MDGA2: variants seen among roughly 807,000 people sequenced by gnomAD.
MDGA2 encodes the protein MAM domain containing glycosylphosphatidylinositol anchor 2.
A neutral mutation model predicts 117.8 loss-of-function variants in MDGA2; 40 were observed. That is an observed-to-expected ratio of 0.34 (90% confidence interval 0.26 to 0.44). The LOEUF (loss-of-function observed/expected upper bound fraction) is 0.44. Ranked by LOEUF, MDGA2 falls within the 20% of genes least tolerant of loss-of-function variation. MDGA2 has a pLI of 1.00. For missense variants in MDGA2, 1,123 were observed against 1,250.6 expected, an observed-to-expected ratio of 0.90 and a Z score of 1.54; for synonymous variants, 452 against 439.0, an observed-to-expected ratio of 1.03 and a Z score of -0.37.
At chr14:47,522,340 T>A (rs1485980190) in intron 1 of MDGA2, among the ~76,000 whole-genome samples, 1 of 113,200 alleles carries the variant, frequency 8.8e-6, no homozygotes, top group Non-Finnish European at 1.9e-5. Context: ...TATGTGTGTA[T>A]ATATGTATAT....
chr14:47,514,837 T>A (rs969965151), intron 1 of MDGA2, among the ~76,000 whole-genome samples: 2 of 152,130 alleles, frequency 1.3e-5, no homozygotes, highest in Non-Finnish European at 1.5e-5. Flanking sequence ...GGGGGTCACA[T>A]CATGACAATG....
At chr14:47,653,325 A>G (rs2138274358) in intron 1 of MDGA2, among the ~76,000 whole-genome samples, 1 of 152,244 alleles carries the variant, frequency 6.6e-6, no homozygotes, top group Middle Eastern at 3.4e-3. Flanking sequence ...TATGGCTGAG[A>G]TTGCTCTTGA....
intron 8 of MDGA2, chr14:46,996,992 C>T (rs1887318712): frequency 5.3e-6 from 2 of 374,178 alleles, no homozygotes; most frequent in Non-Finnish European, 1.0e-5. Context: ...AATAGCTTTA[C>T]AGTGGCCAAA....
intron 1 of MDGA2, among the ~76,000 whole-genome samples, chr14:47,395,169 C>CA (rs1311344455): frequency 6.6e-6 from 1 of 151,336 alleles, no homozygotes; most frequent in East Asian, 1.9e-4. Context: ...AAAACAGAAA[C>CA]AAAAAAACTA....
intron 8 of MDGA2, among the ~76,000 whole-genome samples, chr14:47,029,006 G>C (rs1272551354): frequency 6.6e-6 from 1 of 151,806 alleles, no homozygotes; most frequent in Non-Finnish European, 1.5e-5. Flanking sequence ...GAACAATTTT[G>C]CTTTTAGAAA....
intron 1 of MDGA2, among the ~76,000 whole-genome samples, chr14:47,607,530 G>C (rs960109391): frequency 1.3e-5 from 2 of 152,018 alleles, no homozygotes; most frequent in East Asian, 1.9e-4. Context: ...CTGGGAAATG[G>C]TTCAAATTGT....
chr14:47,439,580 T>C (rs7146722), intron 1 of MDGA2, among the ~76,000 whole-genome samples: 38,892 of 152,010 alleles, frequency 0.26, 5,260 homozygotes, highest in Middle Eastern at 0.42. Context: ...CACATCTATA[T>C]TTCATAGCTG....
At chr14:47,370,720 C>T (rs961887104) in intron 1 of MDGA2, among the ~76,000 whole-genome samples, 5 of 151,112 alleles carry the variant, frequency 3.3e-5, no homozygotes, top group African/African-American at 1.2e-4. Flanking sequence ...CTGTCAGTAT[C>T]CTCTCTGTAA....
chr14:47,451,956 G>A (rs766586860), intron 1 of MDGA2, among the ~76,000 whole-genome samples: 1 of 152,108 alleles, frequency 6.6e-6, no homozygotes, highest in Non-Finnish European at 1.5e-5. Flanking sequence ...ATTGGAGATA[G>A]ATAACTTCTT....
chr14:47,301,495 C>T lies in MDGA2; in HGVS notation c.336G>A (p.Glu112=), dbSNP rs560636271. The change falls in exon 2 of 17, where the codon GAG becomes GAA. Residue 112 remains glutamate (E), a synonymous_variant. Coordinates refer to ENST00000399232, the MANE Select transcript of MDGA2 (RefSeq NM_001113498.3). ...TAGTGTAGACCCTTTCGGAGTAGCG[C>T]TCCTCTTCAATGTTACAGGCCAAGC... The part of the protein sequence containing the change: ...HSGLACNIEE[E]RYSERVYTIR... The T allele has an allele frequency of 7.1e-6, 11 of 1,551,674 alleles. 1 individual carries two copies. In the Middle Eastern group the frequency reaches 5.0e-4, roughly 71 times the overall value.
intron 2 of MDGA2, among the ~76,000 whole-genome samples, chr14:47,277,771 T>C (rs1888352524): frequency 6.6e-6 from 1 of 152,178 alleles, no homozygotes. Flanking sequence ...GAAGGCTAAA[T>C]TGTTCATGCA....
Position 47,310,408 on chromosome 14 carries a change from C to T in MDGA2, c.281-8858G>A, listed in dbSNP as rs1409642197. ...TACCTGGCTGTTCCCGCCCTAAGTC[C>T]CTCACTATGTTCTTCCCAGTAGATT... On this transcript the variant is annotated intron_variant, in intron 1 of 16. Transcript: ENST00000399232. Among the ~76,000 whole-genome samples the T allele has an allele frequency of 3.3e-5, 5 of 152,044 alleles. No individual in the cohort carries two copies. In the South Asian group the frequency reaches 6.2e-4, roughly 19 times the overall value.
chr14:47,158,914 C>A (rs1283454609), intron 3 of MDGA2, among the ~76,000 whole-genome samples: 1 of 152,136 alleles, frequency 6.6e-6, no homozygotes, highest in African/African-American at 2.4e-5. Context: ...ATCTTAAATG[C>A]ATATGAGTAG....
chr14:47,395,125 AT>A (rs1293783728), intron 1 of MDGA2, among the ~76,000 whole-genome samples: 1 of 152,194 alleles, frequency 6.6e-6, no homozygotes, highest in Non-Finnish European at 1.5e-5. Context: ...ACTTCATTCC[AT>A]CCCAGGTGAC....
intron 14 of MDGA2, among the ~76,000 whole-genome samples, chr14:46,862,126 T>A (rs1881534885): frequency 6.6e-6 from 1 of 151,992 alleles, no homozygotes. Flanking sequence ...TTTTCAATTT[T>A]ATAGGATTTT....
chr14:47,195,337 C>T (rs1327063800), intron 3 of MDGA2, among the ~76,000 whole-genome samples: 15 of 151,914 alleles, frequency 9.9e-5, no homozygotes, highest in Admixed American at 9.8e-4. Context: ...AGAAAATATT[C>T]TCAAATCTCC....
At chr14:47,294,289 G>C (rs1436060847) in intron 2 of MDGA2, among the ~76,000 whole-genome samples, 1 of 151,766 alleles carries the variant, frequency 6.6e-6, no homozygotes, top group Non-Finnish European at 1.5e-5. Flanking sequence ...TAAAAACAAG[G>C]TTTCGTCATG....
intron 1 of MDGA2, among the ~76,000 whole-genome samples, chr14:47,647,234 C>T (rs1431660383): frequency 6.6e-6 from 1 of 152,056 alleles, no homozygotes; most frequent in African/African-American, 2.4e-5. Context: ...ATTTTGGAGG[C>T]TCACCTTACA....
intron 8 of MDGA2, among the ~76,000 whole-genome samples, chr14:47,012,699 G>T (rs558512850): frequency 6.6e-6 from 1 of 152,086 alleles, no homozygotes; most frequent in Non-Finnish European, 1.5e-5. Flanking sequence ...GTAGAAGCAG[G>T]AGGTCATATT....
Sources: gnomAD v4.1 joint callset for allele counts (sites outside exome capture counted in the v4.1 genomes callset) on GRCh38, gnomAD v4.1.1 for gene constraint, MANE v1.5 for transcripts, NCBI Gene and HGNC (gene_info 2026-07-23, HGNC 2026-07-21) for gene names.